PARD3B: variants seen among roughly 807,000 people sequenced by gnomAD.
The protein encoded by PARD3B is par-3 family cell polarity regulator beta.
In PARD3B, 103 loss-of-function variants were observed where a neutral mutation model predicts 130.2. The ratio of observed to expected loss-of-function variants is 0.79; its 90% CI spans 0.67 to 0.93. The LOEUF (loss-of-function observed/expected upper bound fraction) is 0.93. Among genes scored for constraint, PARD3B ranks in the 40% least tolerant of loss-of-function variants. The pLI is 0.00. For missense variants in PARD3B, 1,609 were observed against 1,499.2 expected (o/e 1.07, Z -1.21); for synonymous variants, 583 against 553.2 (o/e 1.05, Z -0.76).
chr2:204,900,860 C>G (rs1230733707), intron 2 of PARD3B, among the ~76,000 whole-genome samples: 6 of 152,292 alleles, frequency 3.9e-5, no homozygotes, highest in African/African-American at 1.4e-4. Context: ...AACACTGTGA[C>G]TTTTGCAGAC....
intron 20 of PARD3B, among the ~76,000 whole-genome samples, chr2:205,465,283 T>C (rs979577106): frequency 3.3e-5 from 5 of 152,108 alleles, no homozygotes; most frequent in African/African-American, 1.2e-4. Context: ...CATTTAATCC[T>C]CCTGACAATC....
intron 18 of PARD3B, among the ~76,000 whole-genome samples, chr2:205,329,142 A>T (rs965824411): frequency 2.6e-5 from 4 of 152,218 alleles, no homozygotes; most frequent in African/African-American, 9.6e-5. Flanking sequence ...GGGTACAGTG[A>T]TGAATGAGAT....
At chr2:205,138,880 C>A (rs1388302627) in intron 10 of PARD3B, among the ~76,000 whole-genome samples, 1 of 152,210 alleles carries the variant, frequency 6.6e-6, no homozygotes, top group Non-Finnish European at 1.5e-5. Context: ...TCGACCCCTG[C>A]CATGGCAACG....
intron 3 of PARD3B, among the ~76,000 whole-genome samples, chr2:204,968,241 C>T (rs745374966): frequency 1.3e-5 from 2 of 152,208 alleles, no homozygotes; most frequent in Non-Finnish European, 2.9e-5. Flanking sequence ...TTTGTGATTA[C>T]ATCACATTGA....
chr2:205,538,420 G>C (rs2051961509), intron 21 of PARD3B, among the ~76,000 whole-genome samples: 1 of 152,050 alleles, frequency 6.6e-6, no homozygotes, highest in African/African-American at 2.4e-5. Context: ...TCAAGAATTA[G>C]ACTTCTCTAG....
chr2:205,604,054 T>A (rs759848085), intron 22 of PARD3B, among the ~76,000 whole-genome samples: 41 of 152,206 alleles, frequency 2.7e-4, no homozygotes, highest in Non-Finnish European at 1.6e-4. Flanking sequence ...GGTGACAAAT[T>A]CCCTCAGCAT....
intron 3 of PARD3B, among the ~76,000 whole-genome samples, chr2:204,986,207 C>T (rs1188473628): frequency 6.6e-6 from 1 of 150,606 alleles, no homozygotes; most frequent in African/African-American, 2.4e-5. Context: ...CCCTTTACTT[C>T]ACTTAGACCT....
chr2:205,113,631 G>A (rs1703814291), intron 6 of PARD3B, 54 bp downstream of exon 6: 3 of 1,383,318 alleles, frequency 2.2e-6, no homozygotes, highest in Non-Finnish European at 3.0e-6. Context: ...CCTGATTTGA[G>A]CTCCTTTTCC....
At chr2:205,389,080 A>G (rs1411027971) in intron 18 of PARD3B, among the ~76,000 whole-genome samples, 2 of 152,202 alleles carry the variant, frequency 1.3e-5, no homozygotes, top group African/African-American at 4.8e-5. Context: ...TGTTGGCCCT[A>G]GAAGAGTCAA....
chr2:204,556,971 A>G (rs939824095), intron 1 of PARD3B, among the ~76,000 whole-genome samples: 1 of 150,636 alleles, frequency 6.6e-6, no homozygotes, highest in Non-Finnish European at 1.5e-5. Context: ...ATGATGTCCC[A>G]CCTTTTAAAA....
intron 2 of PARD3B, among the ~76,000 whole-genome samples, chr2:204,869,752 A>G (rs1190534218): frequency 1.3e-5 from 2 of 152,178 alleles, no homozygotes; most frequent in Non-Finnish European, 2.9e-5. Flanking sequence ...AACAGGAAAA[A>G]AAAATGTGGG....
At chr2:204,658,212 ATCT>A (rs1162245452) in intron 1 of PARD3B, among the ~76,000 whole-genome samples, 1 of 152,110 alleles carries the variant, frequency 6.6e-6, no homozygotes, top group Non-Finnish European at 1.5e-5. Context: ...TAAAAAAAAA[ATCT>A]ATCTTATTAG....
intron 2 of PARD3B, among the ~76,000 whole-genome samples, chr2:204,899,489 A>G (rs1285572660): frequency 6.6e-6 from 1 of 152,194 alleles, no homozygotes; most frequent in African/African-American, 2.4e-5. Flanking sequence ...GCATACAAGC[A>G]AGGAAAAAAA....
chr2:204,880,352 G>A (rs1056094453), intron 2 of PARD3B, among the ~76,000 whole-genome samples: 2 of 152,072 alleles, frequency 1.3e-5, no homozygotes, highest in East Asian at 3.9e-4. Context: ...ATGCATATAT[G>A]TACATGCAGT....
chr2:205,094,244 A>G (rs185333269), intron 4 of PARD3B, among the ~76,000 whole-genome samples: 42 of 152,342 alleles, frequency 2.8e-4, no homozygotes, highest in East Asian at 7.7e-4. Context: ...GTGAAATGCA[A>G]GAATGACAAA....
In PARD3B at chr2:205,129,602, A is replaced by ACC. The variant is rs202220472; in HGVS notation, c.1434+3865_1434+3866insCC. ...TGTCGTGTTCTATCTCCTTTGAGGA[A>ACC]AACAAACTGTGTTTATTGGTTTCCT... On this transcript the variant is annotated intron_variant, in intron 10 of 22. Coordinates refer to ENST00000406610, the MANE Select transcript of PARD3B (RefSeq NM_001302769.2). Among the ~76,000 whole-genome samples the ACC allele has an allele frequency of 9.6e-3, 1,464 of 152,316 alleles. 21 individuals are homozygous for ACC. The highest frequency in any genetic ancestry group is 0.033 in the African/African-American group (1,390 of 41,570).
intron 4 of PARD3B, among the ~76,000 whole-genome samples, chr2:205,083,753 C>T (rs1701576612): frequency 6.6e-6 from 1 of 151,732 alleles, no homozygotes; most frequent in Admixed American, 6.6e-5. Context: ...GTGTTTTCAA[C>T]ACTTTATATG....
chr2:204,992,132 T>A (rs1693764883), intron 3 of PARD3B, among the ~76,000 whole-genome samples: 1 of 151,670 alleles, frequency 6.6e-6, no homozygotes, highest in Non-Finnish European at 1.5e-5. Flanking sequence ...TTTTGGTGTT[T>A]TGGACATGAA....
At chr2:204,573,774 T>C (rs2032120846) in intron 1 of PARD3B, among the ~76,000 whole-genome samples, 1 of 152,218 alleles carries the variant, frequency 6.6e-6, no homozygotes, top group African/African-American at 2.4e-5. Context: ...CAGCAAAGAC[T>C]GTTTTCTTTT....
Sources: gnomAD v4.1 joint callset for allele counts (sites outside exome capture counted in the v4.1 genomes callset) on GRCh38, gnomAD v4.1.1 for gene constraint, MANE v1.5 for transcripts, NCBI Gene and HGNC (gene_info 2026-07-23, HGNC 2026-07-21) for gene names.